VWDE: variants seen among roughly 807,000 people sequenced by gnomAD.
VWDE encodes von Willebrand factor D and EGF domain-containing protein.
A neutral mutation model predicts 178.4 loss-of-function variants in VWDE; 207 were observed. The observed-to-expected ratio is 1.16, with a 90% CI of 1.04 to 1.30. The LOEUF is 1.30. VWDE is among the 50% of genes most tolerant of loss of function. The probability of loss-of-function intolerance (pLI) is 0.00; values close to 1 mark genes in which losing one functional copy is unlikely to be tolerated. For synonymous variants in VWDE, 738 were observed against 651.4 expected (o/e 1.13, Z -2.02); for missense variants, 2,287 against 1,901.3 (o/e 1.20, Z -3.77).
At chr7:12,337,403 CATT>C in intron 24 of VWDE, 131 bp from the exon 25 acceptor site, 1 of 799,758 alleles carries the variant, frequency 1.3e-6, no homozygotes, top group Non-Finnish European at 2.1e-6. Flanking sequence ...AAAGATCACT[CATT>C]AAACCTGTCC....
chr7:12,371,236 ATAAT>A (rs1210438699), intron 10 of VWDE, among the ~76,000 whole-genome samples: 3 of 152,210 alleles, frequency 2.0e-5, no homozygotes, highest in Non-Finnish European at 4.4e-5. Context: ...AGATTGCCAA[ATAAT>A]TAATTTACAC....
rs1489504947 is a variant in VWDE, at chr7:12,380,749, A to G, written c.542-16T>C. Reference sequence around the variant, plus strand: ...GCCAGCTGACCTGGGGAGAAAATGCATAATTTGTAACTGGGAATCTTAGAC... The same window carrying G: ...GCCAGCTGACCTGGGGAGAAAATGCGTAATTTGTAACTGGGAATCTTAGAC... On this transcript the variant is annotated splice_polypyrimidine_tract_variant and intron_variant, in intron 4 of 28. Transcript: ENST00000275358. 8.4e-6 allele frequency: 13 copies of G among 1,550,244 alleles called. No homozygotes were observed. Among genetic ancestry groups the G allele is most frequent in the Non-Finnish European group, 1.0e-5 (12 of 1,146,260 alleles).
intron 15 of VWDE, 142 bp from the exon 16 acceptor site, chr7:12,359,834 A>C: frequency 1.9e-6 from 1 of 526,772 alleles, no homozygotes; most frequent in Non-Finnish European, 3.4e-6. Context: ...TCGTAAGTGC[A>C]TATGAGGAAA....
intron 1 of VWDE, among the ~76,000 whole-genome samples, chr7:12,399,353 A>G (rs1283409479): frequency 4.6e-5 from 7 of 152,210 alleles, no homozygotes; most frequent in Non-Finnish European, 1.0e-4. Flanking sequence ...TTATAATGAT[A>G]AAAGGGTCAA....
intron 19 of VWDE, among the ~76,000 whole-genome samples, chr7:12,346,009 G>A (rs1382692042): frequency 1.3e-5 from 2 of 152,054 alleles, no homozygotes; most frequent in Non-Finnish European, 2.9e-5. Context: ...TTTATAAATA[G>A]TCTTCTCTAC....
rs575281120 is a variant in VWDE at position 12,335,156 on chromosome 7, T to G, written c.4654+985A>C. Among the ~76,000 whole-genome samples, 288 of 152,308 alleles carry G rather than the reference T, an allele frequency of 1.9e-3. 3 individuals are homozygous for G. The highest frequency in any genetic ancestry group is 6.4e-3 in the African/African-American group (267 of 41,566). On this transcript the variant is annotated intron_variant, in intron 27 of 28. Transcript: ENST00000275358. ...ATGATCATAATAAATCTGTGTAATT[T>G]CAGTTTACAATACACTTGGCCACCA...
At position 12,345,220 on chromosome 7, in the gene VWDE, T is replaced by A. The variant is rs1282583793; in HGVS notation, c.3887-751A>T. ...AATAACTCAGCAGACCCACTTTTGT[T>A]CTTTCAAAATGTGATGAGAATACAG... On this transcript the variant is annotated intron_variant, in intron 19 of 28. Coordinates refer to ENST00000275358, the MANE Select transcript of VWDE (RefSeq NM_001135924.3). Among the ~76,000 whole-genome samples, 3 of 152,126 alleles carry A rather than the reference T, an allele frequency of 2.0e-5. No individual in the cohort carries two copies. The East Asian group carries it at 5.8e-4, about 29-fold the overall frequency.
chr7:12,333,599 C>G lies in VWDE; in HGVS notation c.4655-31G>C, dbSNP rs191094298. The G allele has an allele frequency of 4.3e-4, 620 of 1,433,996 alleles. 1 individual carries two copies. The African/African-American group carries it at 8.0e-3, about 18-fold the overall frequency. 88.8% of individuals were successfully genotyped at this position (1,433,996 alleles called of 1,614,324 possible). On this transcript the variant is annotated intron_variant, in intron 27 of 28. Coordinates refer to ENST00000275358, the MANE Select transcript of VWDE (RefSeq NM_001135924.3). ...ATACACAAATTTTTACAATGACCAT[C>G]CTTTGACATGAAATGCTTGTGGCAT... is the stretch of plus-strand genomic sequence containing the variant.
chr7:12,390,833 A>G (rs1209140761), intron 2 of VWDE, among the ~76,000 whole-genome samples: 1 of 152,050 alleles, frequency 6.6e-6, no homozygotes, highest in Non-Finnish European at 1.5e-5. Flanking sequence ...ATGAACAACT[A>G]TATGTATCAA....
chr7:12,385,667 T>C (rs1020403077), intron 3 of VWDE, among the ~76,000 whole-genome samples: 1 of 152,192 alleles, frequency 6.6e-6, no homozygotes, highest in African/African-American at 2.4e-5. Flanking sequence ...AACTCTTAAG[T>C]AGATTAAGTG....
intron 13 of VWDE, among the ~76,000 whole-genome samples, chr7:12,366,942 T>C (rs1218072019): frequency 2.0e-5 from 3 of 152,060 alleles, no homozygotes; most frequent in African/African-American, 4.8e-5. Context: ...CTAAAATCCA[T>C]AGTAAGGAAA....
At chr7:12,336,047 T>A in intron 27 of VWDE, 94 bp downstream of exon 27, 1 of 1,091,020 alleles carries the variant, frequency 9.2e-7, no homozygotes, top group Non-Finnish European at 1.3e-6. Context: ...TGGAGTTTTT[T>A]CCCCCTTATG....
intron 24 of VWDE, among the ~76,000 whole-genome samples, chr7:12,338,489 A>G (rs1207025707): frequency 6.6e-6 from 1 of 152,128 alleles, no homozygotes; most frequent in African/African-American, 2.4e-5. Context: ...CAAATTGTTT[A>G]TGATGCGTAA....
intron 2 of VWDE, among the ~76,000 whole-genome samples, chr7:12,392,521 A>C (rs966339676): frequency 3.3e-5 from 5 of 152,162 alleles, no homozygotes; most frequent in African/African-American, 7.2e-5. Context: ...CTATGAACGA[A>C]TTAGGGGAAC....
chr7:12,369,594 C>G lies in VWDE; in HGVS notation c.2712G>C (p.Gly904=). ...CSGNGQCMEW[G]CACSPSFSSY... is the part of the protein sequence containing the mutation. The stretch of plus-strand genomic sequence containing the variant: ...AACTAAAGCTTGGGGAACACGCACA[C>G]CCCCATTCCATGCACTGCCCATTGC... Residue 904 remains glycine (G), a synonymous_variant, in exon 12 of 29, where the codon GGG becomes GGC. Coordinates refer to ENST00000275358, the MANE Select transcript of VWDE (RefSeq NM_001135924.3). 1 of 1,550,714 alleles carries G rather than the reference C, an allele frequency of 6.4e-7. No homozygotes were observed.
At chr7:12,368,467 G>C (rs1175732890) in intron 12 of VWDE, among the ~76,000 whole-genome samples, 1 of 152,004 alleles carries the variant, frequency 6.6e-6, no homozygotes, top group African/African-American at 2.4e-5. Context: ...CGGTGAGAGG[G>C]AGCAGTGAGT....
rs1323170525 is a variant in VWDE at position 12,370,271 on chromosome 7, T to C, written c.2035A>G (p.Arg679Gly). ...GGAGATGTATGCTTGTTTATCTCTC[T>C]GACAAGAGTGTCTGAATTAATATAT... is the stretch of plus-strand genomic sequence containing the variant. The part of the protein sequence containing the change: ...SEYINSDTLV[R>G]EINKHTSPEE... The change falls in exon 12 of 29, where the codon AGA becomes GGA. Residue 679 changes from arginine to glycine, a missense_variant. Transcript: ENST00000275358. 6.4e-7 allele frequency: 1 copy of C among 1,551,216 alleles called. No individual in the cohort carries two copies. Among genetic ancestry groups the C allele is most frequent in the South Asian group, 1.2e-5 (1 of 84,062 alleles).
chr7:12,331,936 A>T (rs1186999692), intron 28 of VWDE, among the ~76,000 whole-genome samples: 1 of 152,068 alleles, frequency 6.6e-6, no homozygotes, highest in African/African-American at 2.4e-5. Context: ...TTTTTCATTG[A>T]AATTCTAGCA....
At chr7:12,358,620 C>T (rs1395988327) in intron 16 of VWDE, among the ~76,000 whole-genome samples, 2 of 152,118 alleles carry the variant, frequency 1.3e-5, no homozygotes, top group Admixed American at 6.5e-5. Flanking sequence ...CCCTGCATAT[C>T]CTTACACAAG....
Sources: gnomAD v4.1 joint callset for allele counts (sites outside exome capture counted in the v4.1 genomes callset) on GRCh38, gnomAD v4.1.1 for gene constraint, MANE v1.5 for transcripts, NCBI Gene and HGNC (gene_info 2026-07-23, HGNC 2026-07-21) for gene names.